FLACC1: variants seen among roughly 807,000 people sequenced by gnomAD.
The protein encoded by FLACC1 is flagellum associated containing coiled-coil domains 1, also known as flagellum-associated coiled-coil domain-containing protein 1.
Under a neutral mutation model 62.8 loss-of-function variants are expected in FLACC1, and 66 were observed. The observed-to-expected ratio is 1.05, with a 90% CI of 0.86 to 1.29. FLACC1 has a LOEUF of 1.29. Ranked by LOEUF, FLACC1 falls within the 50% of genes most tolerant of loss-of-function variation. The probability of loss-of-function intolerance (pLI) is 0.00; values close to 1 mark genes in which losing one functional copy is unlikely to be tolerated. For synonymous variants in FLACC1, 156 were observed against 161.0 expected (o/e 0.97, Z 0.24); for missense variants, 452 against 489.1 (o/e 0.92, Z 0.71).
In FLACC1 at chr2:201,289,747, T is replaced by C. The variant is rs1168138621; in HGVS notation, c.981A>G (p.Leu327=). 6.2e-7 allele frequency: 1 copy of C among 1,614,172 alleles called. No individual in the cohort carries two copies. Among genetic ancestry groups the C allele is most frequent in the Non-Finnish European group, 8.5e-7 (1 of 1,180,024 alleles). ...AGTAGAGGTTTGTGTTCAGTGACTC[T>C]AGGATAAGGGCTTGTGCATGCAATT... ...QEELHAQALI[L]ESLNTNLYYT... The change falls in exon 13 of 15, where the codon CTA becomes CTG. Residue 327 remains leucine (L), a synonymous_variant. Coordinates refer to ENST00000392257, the MANE Select transcript of FLACC1 (RefSeq NM_001127391.3).
At chr2:201,354,972 T>C (rs1263125757) in intron 1 of FLACC1, among the ~76,000 whole-genome samples, 1 of 152,220 alleles carries the variant, frequency 6.6e-6, no homozygotes, top group Admixed American at 6.5e-5. Flanking sequence ...CAGCTCATCA[T>C]GGTGGTTGGG....
At chr2:201,339,472 A>T (rs1950762898) in intron 7 of FLACC1, among the ~76,000 whole-genome samples, 1 of 151,544 alleles carries the variant, frequency 6.6e-6, no homozygotes, top group Non-Finnish European at 1.5e-5. Flanking sequence ...TGGTTTTCCA[A>T]TTCCTTCAGG....
chr2:201,299,081 C>A (rs1949924199), intron 12 of FLACC1, among the ~76,000 whole-genome samples, 157 bp downstream of exon 12: 1 of 152,140 alleles, frequency 6.6e-6, no homozygotes, highest in Non-Finnish European at 1.5e-5. Context: ...TTCAAAAATT[C>A]TTTTTAACTT....
chr2:201,355,895 C>T (rs7588795), intron 1 of FLACC1, among the ~76,000 whole-genome samples: 9,283 of 151,972 alleles, frequency 0.061, 594 homozygotes, highest in East Asian at 0.25. Flanking sequence ...AAAATAAAGG[C>T]CTTTTTCTTT....
At chr2:201,343,025 G>A (rs1950842706) in intron 6 of FLACC1, among the ~76,000 whole-genome samples, 1 of 152,184 alleles carries the variant, frequency 6.6e-6, no homozygotes, top group Non-Finnish European at 1.5e-5. Flanking sequence ...GCTAGGACAA[G>A]GGTTTAGGGC....
intron 9 of FLACC1, among the ~76,000 whole-genome samples, chr2:201,310,724 C>T (rs903605674): frequency 6.6e-6 from 1 of 151,990 alleles, no homozygotes; most frequent in African/African-American, 2.4e-5. Flanking sequence ...TATTAAAGGC[C>T]TTAAAAATGT....
At position 201,330,484 on chromosome 2, in the gene FLACC1, A is replaced by G; in HGVS notation, c.661T>C (p.Phe221Leu). The G allele has an allele frequency of 3.1e-6, 5 of 1,613,872 alleles. No homozygotes were observed. Among genetic ancestry groups the G allele is most frequent in the Non-Finnish European group, 4.2e-6 (5 of 1,179,898 alleles). ...GTGTATCTCACCTGATACGTACGAA[A>G]CATATTCTTCAAATACTTGTATTCT... ...GKEYKYLKNMFRTYQDSIYDE... is the reference protein window; with the variant it reads ...GKEYKYLKNMLRTYQDSIYDE... The change falls in exon 9 of 15, where the codon TTT becomes CTT. Residue 221 changes from phenylalanine to leucine, a missense_variant. Coordinates refer to ENST00000392257, the MANE Select transcript of FLACC1 (RefSeq NM_001127391.3).
intron 7 of FLACC1, among the ~76,000 whole-genome samples, chr2:201,341,790 ATTG>A (rs1950815228): frequency 6.6e-6 from 1 of 152,152 alleles, no homozygotes; most frequent in Non-Finnish European, 1.5e-5. Flanking sequence ...TATTTGCAAC[ATTG>A]TATGATTTGA....
chr2:201,315,163 C>T (rs780512822), intron 9 of FLACC1, among the ~76,000 whole-genome samples: 1 of 151,974 alleles, frequency 6.6e-6, no homozygotes, highest in Non-Finnish European at 1.5e-5. Context: ...CCAAGGCATA[C>T]AGGAAACAAA....
At chr2:201,295,931 A>T (rs1450301857) in intron 12 of FLACC1, among the ~76,000 whole-genome samples, 3 of 152,254 alleles carry the variant, frequency 2.0e-5, no homozygotes, top group Non-Finnish European at 4.4e-5. Flanking sequence ...ATCACTGGCC[A>T]TCAGAGAAAT....
intron 9 of FLACC1, among the ~76,000 whole-genome samples, chr2:201,328,487 A>T (rs1950536260): frequency 6.6e-6 from 1 of 152,082 alleles, no homozygotes; most frequent in Non-Finnish European, 1.5e-5. Context: ...GTGCAGTGGC[A>T]CGATCTCGGC....
At chr2:201,349,137 G>A (rs889750970) in intron 3 of FLACC1, among the ~76,000 whole-genome samples, 1 of 152,042 alleles carries the variant, frequency 6.6e-6, no homozygotes, top group Non-Finnish European at 1.5e-5. Context: ...GGGGGTCACT[G>A]TCCTGCCCAC....
chr2:201,330,975 T>C, intron 7 of FLACC1, 142 bp from the exon 8 acceptor site: 2 of 535,046 alleles, frequency 3.7e-6, no homozygotes, highest in South Asian at 7.3e-5. Context: ...TTAAATCTTT[T>C]TTTTTTTTTT....
chr2:201,331,587 G>T (rs1181721449), intron 7 of FLACC1, among the ~76,000 whole-genome samples: 1 of 152,176 alleles, frequency 6.6e-6, no homozygotes, highest in Non-Finnish European at 1.5e-5. Context: ...ATATTACTAA[G>T]TGAAGGAAGC....
At chr2:201,360,105 A>G (rs1159141948), upstream of FLACC1, among the ~76,000 whole-genome samples, 1 of 152,184 alleles carries the variant, frequency 6.6e-6, no homozygotes, top group Non-Finnish European at 1.5e-5. Context: ...ATCTTTTTGG[A>G]CATGAGTAAA....
intron 9 of FLACC1, among the ~76,000 whole-genome samples, chr2:201,321,168 T>C (rs1950396623): frequency 6.6e-6 from 1 of 152,182 alleles, no homozygotes. Flanking sequence ...CTGGTGCTGC[T>C]ACCCACTGTT....
At chr2:201,361,157 A>G (rs1318281399), upstream of FLACC1, among the ~76,000 whole-genome samples, 1 of 152,214 alleles carries the variant, frequency 6.6e-6, no homozygotes, top group Non-Finnish European at 1.5e-5. Flanking sequence ...AGCAGGAACC[A>G]TAACCCTAAA....
Position 201,289,577 on chromosome 2 carries a change from T to A in FLACC1, c.1033-11A>T. 2 of 1,613,886 alleles carry A rather than the reference T, an allele frequency of 1.2e-6. No homozygotes were observed. The highest frequency in any genetic ancestry group is 1.7e-6 in the Non-Finnish European group (2 of 1,179,772). On this transcript the variant is annotated splice_polypyrimidine_tract_variant and intron_variant, in intron 13 of 14. Coordinates refer to ENST00000392257, the MANE Select transcript of FLACC1 (RefSeq NM_001127391.3). ...TCCCACTATAGCTTTCTGAAAGACA[T>A]ACATTTTAATAGCCATCTTCCCCAA... is the stretch of plus-strand genomic sequence containing the variant.
chr2:201,299,852 C>T (rs1456956255), intron 11 of FLACC1, among the ~76,000 whole-genome samples: 2 of 152,162 alleles, frequency 1.3e-5, no homozygotes, highest in Non-Finnish European at 2.9e-5. Context: ...ACCCCAAATA[C>T]AGCAAAGACA....
Sources: gnomAD v4.1 joint callset for allele counts (sites outside exome capture counted in the v4.1 genomes callset) on GRCh38, gnomAD v4.1.1 for gene constraint, MANE v1.5 for transcripts, NCBI Gene and HGNC (gene_info 2026-07-23, HGNC 2026-07-21) for gene names.